The following PDGFC variants were observed in gnomAD, a reference collection of about 807,000 sequenced individuals.
The protein encoded by PDGFC is platelet derived growth factor C.
In PDGFC, 12 loss-of-function variants were observed where a neutral mutation model predicts 35.5. That is an observed-to-expected ratio of 0.34 (90% CI 0.22 to 0.55). The LOEUF (loss-of-function observed/expected upper bound fraction) is 0.55, where lower values mean the gene tolerates loss of function less well. Among genes scored for constraint, PDGFC ranks in the 20% least tolerant of loss-of-function variants. The pLI is 0.91. For missense variants in PDGFC, 322 were observed against 412.4 expected, an observed-to-expected ratio of 0.78 and a Z score of 1.90; for synonymous variants, 159 against 148.8, an observed-to-expected ratio of 1.07 and a Z score of -0.50.
At chr4:156,968,183 A>G (rs1732509875) in intron 1 of PDGFC, among the ~76,000 whole-genome samples, 1 of 152,206 alleles carries the variant, frequency 6.6e-6, no homozygotes, top group Non-Finnish European at 1.5e-5. Context: ...AGCCCGAGGT[A>G]CCTGATTGAG....
chr4:156,862,198 A>G (rs1226005647), intron 1 of PDGFC, among the ~76,000 whole-genome samples: 3 of 152,236 alleles, frequency 2.0e-5, no homozygotes, highest in Admixed American at 6.5e-5. Context: ...TATAGAAATA[A>G]AATAAATCCT....
intron 1 of PDGFC, among the ~76,000 whole-genome samples, chr4:156,954,370 T>C (rs926992254): frequency 8.6e-5 from 13 of 151,986 alleles, no homozygotes; most frequent in Middle Eastern, 3.2e-3. Flanking sequence ...GATTTTTGCC[T>C]TCTCTGGGAT....
At chr4:156,779,552 C>A (rs1427201248) in intron 3 of PDGFC, among the ~76,000 whole-genome samples, 1 of 152,174 alleles carries the variant, frequency 6.6e-6, no homozygotes, top group African/African-American at 2.4e-5. Context: ...CTCAAACCTG[C>A]AACTGGCCTT....
chr4:156,843,065 G>C (rs769109318), intron 2 of PDGFC, among the ~76,000 whole-genome samples: 2 of 152,102 alleles, frequency 1.3e-5, no homozygotes, highest in South Asian at 4.1e-4. Context: ...GGTATGGTTC[G>C]AATGTTTGTG....
intron 3 of PDGFC, among the ~76,000 whole-genome samples, chr4:156,773,180 A>G (rs1560805363): frequency 1.3e-5 from 2 of 152,192 alleles, no homozygotes; most frequent in Admixed American, 1.3e-4. Context: ...TGGTTCAATT[A>G]CAAACTTAGA....
At chr4:156,781,154 C>T (rs1007598945) in intron 3 of PDGFC, among the ~76,000 whole-genome samples, 11 of 152,230 alleles carry the variant, frequency 7.2e-5, no homozygotes, top group African/African-American at 2.4e-4. Context: ...ATGCCAATTC[C>T]GTAATTTGCA....
At chr4:156,765,275 A>G (rs1159906424) in intron 5 of PDGFC, among the ~76,000 whole-genome samples, 3 of 152,202 alleles carry the variant, frequency 2.0e-5, no homozygotes, top group Non-Finnish European at 4.4e-5. Context: ...ATTAAAGAGG[A>G]AAAGGACATA....
intron 3 of PDGFC, among the ~76,000 whole-genome samples, chr4:156,794,529 G>A (rs1472085505): frequency 6.6e-6 from 1 of 151,688 alleles, no homozygotes; most frequent in Non-Finnish European, 1.5e-5. Flanking sequence ...AAAGAAGGGA[G>A]GGAGGAAGGA....
chr4:156,922,625 G>T (rs535172861), intron 1 of PDGFC, among the ~76,000 whole-genome samples: 1 of 152,286 alleles, frequency 6.6e-6, no homozygotes, highest in Non-Finnish European at 1.5e-5. Context: ...CCTACAGAGA[G>T]GTGAGAGAAT....
intron 1 of PDGFC, among the ~76,000 whole-genome samples, chr4:156,901,858 C>T (rs1280869286): frequency 2.0e-5 from 3 of 151,994 alleles, no homozygotes; most frequent in African/African-American, 4.8e-5. Flanking sequence ...GTGATCTGCC[C>T]GCCTCGGCCT....
intron 1 of PDGFC, among the ~76,000 whole-genome samples, chr4:156,898,395 A>C (rs1321284344): frequency 6.6e-6 from 1 of 152,200 alleles, no homozygotes; most frequent in African/African-American, 2.4e-5. Flanking sequence ...GGAAGTGATA[A>C]CTAATAACTA....
chr4:156,961,813 T>A (rs145471504), intron 1 of PDGFC, among the ~76,000 whole-genome samples: 5 of 152,292 alleles, frequency 3.3e-5, no homozygotes, highest in Non-Finnish European at 7.4e-5. Context: ...AGCCTCATTC[T>A]GCACGCCATC....
chr4:156,925,813 G>A (rs564522129), intron 1 of PDGFC, among the ~76,000 whole-genome samples: 139 of 151,436 alleles, frequency 9.2e-4, no homozygotes, highest in Non-Finnish European at 1.7e-3. Flanking sequence ...CGCTTTGGGA[G>A]GTCGAGGCGG....
chr4:156,784,740 A>G (rs943661762), intron 3 of PDGFC, among the ~76,000 whole-genome samples: 1 of 152,206 alleles, frequency 6.6e-6, no homozygotes, highest in Non-Finnish European at 1.5e-5. Flanking sequence ...GTAGATCAAG[A>G]CGGGGCAAAA....
intron 3 of PDGFC, among the ~76,000 whole-genome samples, chr4:156,783,208 T>G (rs1030912832): frequency 1.3e-5 from 2 of 149,742 alleles, no homozygotes; most frequent in African/African-American, 4.9e-5. Context: ...AGGGGGAGAG[T>G]AGATGGTGGA....
intron 2 of PDGFC, among the ~76,000 whole-genome samples, chr4:156,816,748 A>T (rs1732098821): frequency 6.6e-6 from 1 of 152,206 alleles, no homozygotes. Flanking sequence ...TGCTTATTAT[A>T]TTTAAAATAT....
chr4:156,788,147 C>T (rs752247441), intron 3 of PDGFC, among the ~76,000 whole-genome samples: 13 of 151,988 alleles, frequency 8.6e-5, no homozygotes, highest in Non-Finnish European at 1.8e-4. Flanking sequence ...GGCCAATAAT[C>T]TCGGACAAGG....
intron 3 of PDGFC, among the ~76,000 whole-genome samples, chr4:156,774,112 C>A (rs1372498862): frequency 6.6e-6 from 1 of 152,068 alleles, no homozygotes; most frequent in Non-Finnish European, 1.5e-5. Flanking sequence ...TGGACAAATG[C>A]CTATGTGATT....
At chr4:156,846,224 A>T (rs918466399) in intron 2 of PDGFC, among the ~76,000 whole-genome samples, 2 of 151,798 alleles carry the variant, frequency 1.3e-5, no homozygotes, top group African/African-American at 4.8e-5. Context: ...TACAATGTGG[A>T]AAAACAAAGC....
Sources: allele counts gnomAD v4.1 joint callset (sites outside exome capture counted in the v4.1 genomes callset), GRCh38; gene constraint gnomAD v4.1.1; transcripts MANE v1.5; gene names NCBI Gene and HGNC (gene_info 2026-07-23, HGNC 2026-07-21).